Variants in BTN2A1 observed in about 807,000 individuals in gnomAD.
The protein encoded by BTN2A1 is butyrophilin, subfamily 2, member A1.
BTN2A1 carries 41 observed loss-of-function variants against 34.5 expected under a neutral mutation model. That is an observed-to-expected ratio of 1.19 (90% CI 0.93 to 1.54). The LOEUF (loss-of-function observed/expected upper bound fraction) is 1.54. BTN2A1 is among the 40% of genes most tolerant of loss of function. The pLI is 0.00. For missense variants in BTN2A1, 642 were observed against 662.0 expected (o/e 0.97, Z 0.33); for synonymous variants, 267 against 258.6 (o/e 1.03, Z -0.31).
downstream of BTN2A1, among the ~76,000 whole-genome samples, chr6:26,474,536 A>G (rs1468992728): frequency 1.3e-5 from 2 of 152,090 alleles, no homozygotes; most frequent in African/African-American, 2.4e-5. Flanking sequence ...GTAAGTGGGG[A>G]AAATTGCTTA....
intron 4 of BTN2A1, among the ~76,000 whole-genome samples, chr6:26,463,875 C>G (rs1386561283): frequency 6.6e-6 from 1 of 151,990 alleles, no homozygotes; most frequent in Non-Finnish European, 1.5e-5. Flanking sequence ...AATCTTGGCT[C>G]ACTGCAACCT....
intron 3 of BTN2A1, 30 bp from the exon 4 acceptor site, chr6:26,463,214 T>C (rs1342305894): frequency 1.3e-6 from 2 of 1,542,806 alleles, no homozygotes; most frequent in Non-Finnish European, 1.7e-6. Context: ...AGGCACTGAC[T>C]TTTGCCTGAA....
At position 26,462,041 on chromosome 6, in the gene BTN2A1, T is replaced by C. The variant is rs530926626; in HGVS notation, c.431-1203T>C. Among the ~76,000 whole-genome samples, 158 of 151,884 alleles carry C rather than the reference T, an allele frequency of 1.0e-3. 1 individual carries two copies. Among genetic ancestry groups the C allele is most frequent in the African/African-American group, 3.7e-3 (155 of 41,418 alleles). ...GTCAAAAAAAAAAATTTTTTTTTAT[T>C]AAATTGAGCCAAAGCACCAGACTTA... On this transcript the variant is annotated intron_variant, in intron 3 of 7. Coordinates refer to ENST00000312541, the MANE Select transcript of BTN2A1 (RefSeq NM_007049.5).
downstream of BTN2A1, among the ~76,000 whole-genome samples, chr6:26,471,189 G>A (rs1019398585): frequency 2.6e-5 from 4 of 152,160 alleles, no homozygotes; most frequent in African/African-American, 9.7e-5. Context: ...ATTTGTTAAG[G>A]CAGAAAACAG....
chr6:26,471,640 AAAAG>A (rs1402302821), downstream of BTN2A1, among the ~76,000 whole-genome samples: 2 of 150,814 alleles, frequency 1.3e-5, no homozygotes, highest in African/African-American at 5.0e-5. Flanking sequence ...CTCAAAAAAG[AAAAG>A]AGAGAGAAGG....
chr6:26,463,964 C>T (rs1317177934), intron 4 of BTN2A1, among the ~76,000 whole-genome samples: 1 of 152,082 alleles, frequency 6.6e-6, no homozygotes, highest in Non-Finnish European at 1.5e-5. Context: ...CCACACCCGG[C>T]TAATTTTTGT....
intron 4 of BTN2A1, 26 bp downstream of exon 4, chr6:26,463,551 G>A (rs768058892): frequency 8.1e-6 from 13 of 1,601,036 alleles, no homozygotes; most frequent in Admixed American, 1.7e-5. Flanking sequence ...TCTGAGACTC[G>A]TCGAGTGCAT....
At chr6:26,464,455 A>G (rs1403278331) in intron 4 of BTN2A1, among the ~76,000 whole-genome samples, 1 of 152,226 alleles carries the variant, frequency 6.6e-6, no homozygotes, top group Non-Finnish European at 1.5e-5. Flanking sequence ...AGGCAATGTG[A>G]GACATTGCAA....
chr6:26,459,229 G>T (rs1349149748), intron 2 of BTN2A1, among the ~76,000 whole-genome samples: 1 of 152,140 alleles, frequency 6.6e-6, no homozygotes, highest in African/African-American at 2.4e-5. Context: ...CCCCTCAAGG[G>T]CACAGGGTGG....
Position 26,468,521 on chromosome 6 carries a change from A to G in BTN2A1, c.1556A>G (p.His519Arg), listed in dbSNP as rs770433128. Reference protein sequence around the residue: ...VTVPEEGLTLHRVGTHQSL With the variant: ...VTVPEEGLTLRRVGTHQSL ...GTGCCTGAAGAGGGCCTGACACTTCACAGAGTGGGGACCCACCAGAGCCTA... is the reference window on the plus strand; with the variant it reads ...GTGCCTGAAGAGGGCCTGACACTTCGCAGAGTGGGGACCCACCAGAGCCTA... The change falls in exon 8 of 8, where the codon CAC becomes CGC. Residue 519 changes from histidine (H) to arginine (R), a missense_variant. Transcript: ENST00000312541. The G allele has an allele frequency of 1.9e-6, 3 of 1,614,150 alleles. No individual in the cohort carries two copies. Among genetic ancestry groups the G allele is most frequent in the Non-Finnish European group, 1.7e-6 (2 of 1,180,020 alleles).
chr6:26,459,641 CAGAG>C lies in BTN2A1; in HGVS notation c.249_252del (p.Arg84GlnfsTer15). 2 of 1,614,036 alleles carry C rather than the reference CAGAG, an allele frequency of 1.2e-6. No individual in the cohort carries two copies. Among genetic ancestry groups the C allele is most frequent in the East Asian group, 2.2e-5 (1 of 44,874 alleles). The stretch of plus-strand genomic sequence containing the variant: ...CCGCAGTGTTTGTGTATAAAGGTGG[CAGAG>C]AGAGAACAGAGGAGCAGATGGAGGA... On this transcript the variant is annotated frameshift_variant, in exon 3 of 8. Transcript: ENST00000312541. LOFTEE classifies it high-confidence loss of function.
At chr6:26,467,742 G>A in intron 7 of BTN2A1, 5 of 1,592,878 alleles carry the variant, frequency 3.1e-6, no homozygotes, top group Non-Finnish European at 4.3e-6. Flanking sequence ...CTCAAACTGA[G>A]AGAACTGCTT....
At chr6:26,463,632 G>A in intron 4 of BTN2A1, 107 bp downstream of exon 4, 2 of 1,330,642 alleles carry the variant, frequency 1.5e-6, no homozygotes, top group South Asian at 2.8e-5. Context: ...AATAGTCCTG[G>A]GCCCTAAGGA....
At chr6:26,463,912 A>G (rs1028350498) in intron 4 of BTN2A1, among the ~76,000 whole-genome samples, 1 of 151,840 alleles carries the variant, frequency 6.6e-6, no homozygotes, top group Admixed American at 6.6e-5. Flanking sequence ...AGCAATTCTC[A>G]TACCTCAGCC....
In BTN2A1 at chr6:26,468,696, G is replaced by T; in HGVS notation, c.*147G>T. ...AGCTGCCTCTTTCACACCCACTACA[G>T]ACCTCAGCCCCAGTTTTCTCCTCCT... On this transcript the variant is annotated 3_prime_UTR_variant, in exon 8 of 8. Transcript: ENST00000312541. 6.2e-7 allele frequency: 1 copy of T among 1,613,202 alleles called. No homozygotes were observed. Among genetic ancestry groups the T allele is most frequent in the South Asian group, 1.1e-5 (1 of 90,282 alleles).
intron 3 of BTN2A1, among the ~76,000 whole-genome samples, chr6:26,462,616 G>C (rs1394918639): frequency 6.6e-6 from 1 of 152,206 alleles, no homozygotes; most frequent in Admixed American, 6.5e-5. Flanking sequence ...ATTAGGATTA[G>C]AGTTGGATTT....
At chr6:26,474,996 C>CAA (rs1763514879) in intron 7 of BTN2A1, among the ~76,000 whole-genome samples, 1 of 152,136 alleles carries the variant, frequency 6.6e-6, no homozygotes, top group Non-Finnish European at 1.5e-5. Flanking sequence ...CTCCTGACCT[C>CAA]AAGTGATCCA....
chr6:26,459,473 T>C lies in BTN2A1; in HGVS notation c.83-8T>C, dbSNP rs775169778. On this transcript the variant is annotated splice_polypyrimidine_tract_variant and splice_region_variant and intron_variant, in intron 2 of 7. Coordinates refer to ENST00000312541, the MANE Select transcript of BTN2A1 (RefSeq NM_007049.5). Reference sequence around the variant, plus strand: ...GTCTTTGTCTGACTCTACCCCTTTGTTGAACAGCCCAGTTTATTGTCGTGG... The same window carrying C: ...GTCTTTGTCTGACTCTACCCCTTTGCTGAACAGCCCAGTTTATTGTCGTGG... 3 of 1,612,154 alleles carry C rather than the reference T, an allele frequency of 1.9e-6. No homozygotes were observed. The highest frequency in any genetic ancestry group is 4.5e-5 in the East Asian group (2 of 44,862).
chr6:26,472,466 C>T (rs759901952), downstream of BTN2A1, among the ~76,000 whole-genome samples: 2 of 152,198 alleles, frequency 1.3e-5, no homozygotes, highest in Non-Finnish European at 2.9e-5. Context: ...TTTCTACCAG[C>T]CAAGGTTTCA....
Sources: allele counts gnomAD v4.1 joint callset (sites outside exome capture counted in the v4.1 genomes callset), GRCh38; gene constraint gnomAD v4.1.1; transcripts MANE v1.5; gene names NCBI Gene and HGNC (gene_info 2026-07-23, HGNC 2026-07-21).